Variants in COG2 observed in about 807,000 individuals in gnomAD.
COG2 encodes the protein conserved oligomeric Golgi complex subunit 2.
COG2 carries 52 observed loss-of-function variants against 90.6 expected under a neutral mutation model. The observed-to-expected ratio is 0.57, with a 90% CI of 0.46 to 0.72. The LOEUF (loss-of-function observed/expected upper bound fraction) is 0.72, where lower values mean the gene tolerates loss of function less well. COG2 is among the 30% of genes least tolerant of loss of function. COG2 has a pLI of 0.00. For synonymous variants in COG2, 337 were observed against 320.4 expected (o/e 1.05, Z -0.55); for missense variants, 829 against 891.2 (o/e 0.93, Z 0.89).
chr1:230,665,904 T>TAGG, intron 5 of COG2, among the ~76,000 whole-genome samples: 1 of 152,276 alleles, frequency 6.6e-6, no homozygotes, highest in Non-Finnish European at 1.5e-5. Flanking sequence ...TTTTCCTCCT[T>TAGG]CCCCATTCCT....
In COG2 at chr1:230,650,768, C is replaced by T. The variant is rs570175409; in HGVS notation, c.72+8090C>T. Among the ~76,000 whole-genome samples, 14 of 152,214 alleles carry T rather than the reference C, an allele frequency of 9.2e-5. No individual in the cohort carries two copies. The South Asian group carries it at 1.5e-3, about 16-fold the overall frequency. On this transcript the variant is annotated intron_variant, in intron 1 of 17. Coordinates refer to ENST00000366669, the MANE Select transcript of COG2 (RefSeq NM_007357.3). ...GAGGTCTTAGTCATAAATCCTTTGC[C>T]TAGGCCAATGTCCAGAAGAATTTTT...
intron 10 of COG2, 122 bp from the exon 11 acceptor site, chr1:230,683,452 A>C: frequency 6.6e-6 from 4 of 606,298 alleles, no homozygotes; most frequent in Non-Finnish European, 8.8e-6. Flanking sequence ...AGGCATTCCG[A>C]GGCTGGACTT....
chr1:230,683,268 C>T (rs921086751), intron 10 of COG2: 12 of 297,898 alleles, frequency 4.0e-5, no homozygotes, highest in African/African-American at 2.4e-4. Context: ...AGGTGCTGCT[C>T]ACCAGCAACA....
intron 1 of COG2, among the ~76,000 whole-genome samples, chr1:230,658,305 C>T (rs927804123): frequency 1.3e-5 from 2 of 152,138 alleles, no homozygotes; most frequent in Non-Finnish European, 2.9e-5. Flanking sequence ...GACAGTCAGG[C>T]CCCTCTGCTG....
chr1:230,673,139 C>A (rs772446549), intron 8 of COG2, among the ~76,000 whole-genome samples: 1 of 152,136 alleles, frequency 6.6e-6, no homozygotes, highest in Admixed American at 6.5e-5. Context: ...AGATATGAAA[C>A]AATCAGCCAT....
chr1:230,648,273 T>C (rs1007383552), intron 1 of COG2, among the ~76,000 whole-genome samples: 1 of 152,210 alleles, frequency 6.6e-6, no homozygotes, highest in Non-Finnish European at 1.5e-5. Flanking sequence ...GGAAAGCGGA[T>C]GTAAGTGTGA....
At chr1:230,668,606 G>A (rs1662372938) in intron 5 of COG2, 70 bp from the exon 6 acceptor site, 16 of 903,262 alleles carry the variant, frequency 1.8e-5, no homozygotes, top group Non-Finnish European at 2.4e-5. Flanking sequence ...CTCACTGCCA[G>A]GCGTGTGATG....
At position 230,691,532 on chromosome 1, in the gene COG2, T is replaced by C; in HGVS notation, c.2083T>C (p.Leu695=). ...CGACGACGACAAAATCAGGCTGCAGTTGGCCCTAGATGTTGAGTACTTGGG... is the reference window on the plus strand; with the variant it reads ...CGACGACGACAAAATCAGGCTGCAGCTGGCCCTAGATGTTGAGTACTTGGG... ...MSDDDKIRLQ[L]ALDVEYLGEQ... is the part of the protein sequence containing the mutation. The change falls in exon 17 of 18, where the codon TTG becomes CTG. Residue 695 remains leucine, a synonymous_variant. Coordinates refer to ENST00000366669, the MANE Select transcript of COG2 (RefSeq NM_007357.3). 6.2e-7 allele frequency: 1 copy of C among 1,614,100 alleles called. No individual in the cohort carries two copies. The highest frequency in any genetic ancestry group is 8.5e-7 in the Non-Finnish European group (1 of 1,180,008).
intron 7 of COG2, chr1:230,669,798 C>T (rs1662404014): frequency 5.9e-6 from 2 of 340,774 alleles, no homozygotes; most frequent in African/African-American, 2.1e-5. Context: ...AGGGCATCCA[C>T]GTGCTTTTAG....
At chr1:230,659,295 G>A (rs905267506) in intron 1 of COG2, among the ~76,000 whole-genome samples, 169 bp from the exon 2 acceptor site, 4 of 152,158 alleles carry the variant, frequency 2.6e-5, no homozygotes, top group Admixed American at 6.5e-5. Context: ...TTTATAAAGC[G>A]GACAAACACC....
chr1:230,681,915 T>C (rs1344045534), intron 10 of COG2: 1 of 152,250 alleles, frequency 6.6e-6, no homozygotes, highest in African/African-American at 2.4e-5. Context: ...AGAACGTCTC[T>C]GTGAAGTGCA....
chr1:230,666,231 C>G (rs1662318370), intron 5 of COG2, among the ~76,000 whole-genome samples: 1 of 152,164 alleles, frequency 6.6e-6, no homozygotes, highest in Non-Finnish European at 1.5e-5. Flanking sequence ...CCTTTTATTC[C>G]TTGTCTTAGG....
intron 15 of COG2, 133 bp downstream of exon 15, chr1:230,688,695 T>C (rs2102774518): frequency 9.9e-7 from 1 of 1,010,370 alleles, no homozygotes; most frequent in East Asian, 2.4e-5. Flanking sequence ...ATTCTGAGAA[T>C]GGTATTGATG....
In COG2 at chr1:230,693,501, G is replaced by C. The variant is rs1353090491; in HGVS notation, c.*108G>C. On this transcript the variant is annotated 3_prime_UTR_variant, in exon 18 of 18. Coordinates refer to ENST00000366669, the MANE Select transcript of COG2 (RefSeq NM_007357.3). ...TCTCTTAGCAACCGTCTGTAGCAAA[G>C]AAGTGCTTCCAGCATCACTCCAGCA... The C allele has an allele frequency of 2.6e-5, 17 of 662,608 alleles. No individual in the cohort carries two copies. Among genetic ancestry groups the C allele is most frequent in the Non-Finnish European group, 4.2e-5 (16 of 382,246 alleles). 41.0% of individuals were successfully genotyped at this position (662,608 alleles called of 1,614,324 possible).
At chr1:230,687,943 T>G in intron 13 of COG2, 128 bp from the exon 14 acceptor site, 1 of 636,882 alleles carries the variant, frequency 1.6e-6, no homozygotes, top group Non-Finnish European at 2.7e-6. Flanking sequence ...TGATGAAAAT[T>G]ACTGAAATTC....
At chr1:230,683,392 ACGATTT>A (rs1662801932) in intron 10 of COG2, 176 bp from the exon 11 acceptor site, 2 of 543,218 alleles carry the variant, frequency 3.7e-6, no homozygotes, top group East Asian at 6.1e-5. Flanking sequence ...TGGCTTAGTC[ACGATTT>A]CTTGTTCAGT....
intron 7 of COG2, 174 bp from the exon 8 acceptor site, chr1:230,671,342 A>T (rs761885397): frequency 8.3e-5 from 43 of 515,644 alleles, no homozygotes; most frequent in Non-Finnish European, 1.3e-4. Context: ...AATCCAAGGA[A>T]GTAGTTTTGA....
chr1:230,651,662 C>A (rs745996161), intron 1 of COG2, among the ~76,000 whole-genome samples: 16 of 152,086 alleles, frequency 1.1e-4, no homozygotes, highest in Non-Finnish European at 2.2e-4. Flanking sequence ...AATGATTTTT[C>A]TTTTAATTTC....
In COG2 at chr1:230,693,507, C is replaced by A. The variant is rs754731517; in HGVS notation, c.*114C>A. 1.6e-5 allele frequency: 10 copies of A among 634,668 alleles called. No homozygotes were observed. Among genetic ancestry groups the A allele is most frequent in the South Asian group, 4.3e-5 (2 of 47,016 alleles). 39.3% of individuals were successfully genotyped at this position (634,668 alleles called of 1,614,324 possible). On this transcript the variant is annotated 3_prime_UTR_variant, in exon 18 of 18. Coordinates refer to ENST00000366669, the MANE Select transcript of COG2 (RefSeq NM_007357.3). The stretch of plus-strand genomic sequence containing the variant: ...AGCAACCGTCTGTAGCAAAGAAGTG[C>A]TTCCAGCATCACTCCAGCAACACGC...
Sources: allele counts gnomAD v4.1 joint callset (sites outside exome capture counted in the v4.1 genomes callset), GRCh38; gene constraint gnomAD v4.1.1; transcripts MANE v1.5; gene names NCBI Gene and HGNC (gene_info 2026-07-23, HGNC 2026-07-21).